LPP: variants seen among roughly 807,000 people sequenced by gnomAD.
LPP encodes lipoma-preferred partner.
Under a neutral mutation model 60.4 loss-of-function variants are expected in LPP, and 38 were observed. That is an observed-to-expected ratio of 0.63 (90% CI 0.49 to 0.83). LPP has a LOEUF of 0.83. Ranked by LOEUF, LPP falls within the 40% of genes least tolerant of loss-of-function variation. The pLI, the probability that LPP is intolerant of heterozygous loss-of-function variation, is 0.00. For synonymous variants in LPP, 328 were observed against 290.8 expected (o/e 1.13, Z -1.30); for missense variants, 902 against 783.6 (o/e 1.15, Z -1.80).
chr3:188,454,091 C>T (rs181392664), intron 4 of LPP, among the ~76,000 whole-genome samples: 51 of 152,310 alleles, frequency 3.3e-4, no homozygotes, highest in Non-Finnish European at 1.8e-4. Context: ...AAAATTTCTG[C>T]AAGGCAGGTA....
intron 3 of LPP, among the ~76,000 whole-genome samples, chr3:188,405,009 A>G (rs1783108797): frequency 6.6e-6 from 1 of 152,236 alleles, no homozygotes; most frequent in South Asian, 2.1e-4. Context: ...TGATCAGAGC[A>G]GCATCTGGGC....
chr3:188,353,174 A>C (rs958452770), intron 3 of LPP, among the ~76,000 whole-genome samples: 2 of 152,148 alleles, frequency 1.3e-5, no homozygotes, highest in Non-Finnish European at 2.9e-5. Flanking sequence ...CCACAAGATT[A>C]CAGGGTCCTC....
intron 6 of LPP, among the ~76,000 whole-genome samples, chr3:188,582,513 G>A (rs1044808524): frequency 1.3e-5 from 2 of 151,866 alleles, no homozygotes; most frequent in Admixed American, 1.3e-4. Context: ...GGGGCTTGGG[G>A]AGGGGTGTCT....
At chr3:188,788,624 A>G (rs1435865449) in intron 9 of LPP, among the ~76,000 whole-genome samples, 2 of 152,182 alleles carry the variant, frequency 1.3e-5, no homozygotes, top group Non-Finnish European at 1.5e-5. Flanking sequence ...TGCATCCTGC[A>G]GTAAGCACCG....
At chr3:188,601,320 A>G (rs568805588) in intron 6 of LPP, among the ~76,000 whole-genome samples, 1 of 152,290 alleles carries the variant, frequency 6.6e-6, no homozygotes, top group African/African-American at 2.4e-5. Flanking sequence ...GAAACTAAAC[A>G]TTTATGCTCT....
At chr3:188,575,989 A>G (rs1415625142) in intron 6 of LPP, among the ~76,000 whole-genome samples, 2 of 152,170 alleles carry the variant, frequency 1.3e-5, no homozygotes, top group Non-Finnish European at 2.9e-5. Context: ...AAGAAGCCCT[A>G]TTGGAGAAGA....
At chr3:188,704,228 A>G (rs1042762167) in intron 7 of LPP, among the ~76,000 whole-genome samples, 3 of 152,172 alleles carry the variant, frequency 2.0e-5, no homozygotes, top group Non-Finnish European at 4.4e-5. Flanking sequence ...CTCATTTTCA[A>G]TTCCACTACC....
intron 1 of LPP, among the ~76,000 whole-genome samples, chr3:188,220,753 T>G (rs886594037): frequency 2.0e-5 from 3 of 152,172 alleles, no homozygotes; most frequent in Admixed American, 6.5e-5. Context: ...AAACTTTGTT[T>G]CTTTCCTGGG....
chr3:188,375,135 C>T (rs1048453301), intron 3 of LPP, among the ~76,000 whole-genome samples: 25 of 152,100 alleles, frequency 1.6e-4, no homozygotes, highest in African/African-American at 5.6e-4. Flanking sequence ...ATTTTTGCAT[C>T]AATGTTCATC....
intron 7 of LPP, among the ~76,000 whole-genome samples, chr3:188,685,972 A>AC (rs1860624729): frequency 6.6e-6 from 1 of 152,156 alleles, no homozygotes; most frequent in Admixed American, 6.5e-5. Flanking sequence ...TGATGTAGTC[A>AC]AGGCGCTTCC....
chr3:188,271,515 G>A (rs1032835168), intron 2 of LPP, among the ~76,000 whole-genome samples: 1 of 152,194 alleles, frequency 6.6e-6, no homozygotes, highest in Non-Finnish European at 1.5e-5. Context: ...GAGACACTTT[G>A]CTGTCACAGA....
chr3:188,312,785 C>T (rs773705802), intron 2 of LPP: 3 of 151,954 alleles, frequency 2.0e-5, no homozygotes, highest in Non-Finnish European at 4.4e-5. Flanking sequence ...TTAAGAACAC[C>T]GTGGAATACT....
At chr3:188,532,662 C>G (rs1234291307) in intron 6 of LPP, among the ~76,000 whole-genome samples, 3 of 152,180 alleles carry the variant, frequency 2.0e-5, no homozygotes, top group Non-Finnish European at 2.9e-5. Context: ...GTGAACCTGT[C>G]CATGTTACCA....
At chr3:188,396,919 T>G (rs1781090222) in intron 3 of LPP, among the ~76,000 whole-genome samples, 1 of 152,232 alleles carries the variant, frequency 6.6e-6, no homozygotes, top group Non-Finnish European at 1.5e-5. Flanking sequence ...CATTAGTTGC[T>G]TATTATTTTA....
rs755389654 is a variant in LPP, at chr3:188,885,332, A to G, written c.*10853A>G. On this transcript the variant is annotated 3_prime_UTR_variant, in exon 12 of 12. Coordinates refer to ENST00000617246, the MANE Select transcript of LPP (RefSeq NM_001375462.1). ...ATCCATCAAGCCAGTATCATCATCC[A>G]CCTGCTTATTCCTTGGGACTAATGA... is the stretch of plus-strand genomic sequence containing the variant. 80 of 195,864 alleles carry G rather than the reference A, an allele frequency of 4.1e-4. No homozygotes were observed. The highest frequency in any genetic ancestry group is 1.8e-3 in the Middle Eastern group (1 of 566). 12.1% of individuals were successfully genotyped at this position (195,864 alleles called of 1,614,324 possible).
intron 9 of LPP, among the ~76,000 whole-genome samples, chr3:188,857,950 T>G (rs1327885162): frequency 6.6e-6 from 1 of 152,152 alleles, no homozygotes; most frequent in East Asian, 1.9e-4. Flanking sequence ...AAACTAACAT[T>G]TATTATATAG....
intron 1 of LPP, among the ~76,000 whole-genome samples, chr3:188,165,058 G>A (rs1719519188): frequency 6.6e-6 from 1 of 151,938 alleles, no homozygotes; most frequent in Admixed American, 6.6e-5. Flanking sequence ...GATCACTTGA[G>A]GCCCGGAGTT....
At chr3:188,757,346 C>A (rs961908048) in intron 8 of LPP, among the ~76,000 whole-genome samples, 1 of 152,192 alleles carries the variant, frequency 6.6e-6, no homozygotes, top group South Asian at 2.1e-4. Flanking sequence ...TCAGCCTGAC[C>A]TTTAAGGCTT....
Position 188,887,520 on chromosome 3 carries a change from G to T in LPP, c.*13041G>T. 4.6e-6 allele frequency: 1 copy of T among 216,798 alleles called. No homozygotes were observed. Among genetic ancestry groups the T allele is most frequent in the Non-Finnish European group, 9.3e-6 (1 of 107,684 alleles). 13.4% of individuals were successfully genotyped at this position (216,798 alleles called of 1,614,324 possible). A position where few individuals can be genotyped will look rare whatever the true frequency, so the allele number is the denominator to read the frequency against. On this transcript the variant is annotated 3_prime_UTR_variant, in exon 12 of 12. Coordinates refer to ENST00000617246, the MANE Select transcript of LPP (RefSeq NM_001375462.1). ...ATGTTTTAACTTTCAAATAATAAAT[G>T]GGGAGTTGGTATTTGGGCAGAGTTT...
Sources: gnomAD v4.1 joint callset for allele counts (sites outside exome capture counted in the v4.1 genomes callset) on GRCh38, gnomAD v4.1.1 for gene constraint, MANE v1.5 for transcripts, NCBI Gene and HGNC (gene_info 2026-07-23, HGNC 2026-07-21) for gene names.